The following RAPGEF5 variants were observed in gnomAD, a reference collection of about 807,000 sequenced individuals.
RAPGEF5 encodes Rap guanine nucleotide exchange factor 5.
A neutral mutation model predicts 125.2 loss-of-function variants in RAPGEF5; 65 were observed. The observed-to-expected ratio is 0.52, with a 90% CI of 0.43 to 0.64. RAPGEF5 has a LOEUF of 0.64. Ranked by LOEUF, RAPGEF5 falls within the 30% of genes least tolerant of loss-of-function variation. The probability of loss-of-function intolerance (pLI) is 0.00; values close to 1 mark genes in which losing one functional copy is unlikely to be tolerated. For synonymous variants in RAPGEF5, 391 were observed against 385.9 expected, an observed-to-expected ratio of 1.01 and a Z score of -0.16; for missense variants, 958 against 1,048.1, an observed-to-expected ratio of 0.91 and a Z score of 1.19.
chr7:22,204,399 A>T (rs1368811867), intron 9 of RAPGEF5, among the ~76,000 whole-genome samples: 2 of 152,164 alleles, frequency 1.3e-5, no homozygotes, highest in African/African-American at 4.8e-5. Context: ...CTCTTCCCAA[A>T]TTTCCTGTGC....
intron 14 of RAPGEF5, among the ~76,000 whole-genome samples, chr7:22,160,004 G>C (rs957311834): frequency 6.6e-6 from 1 of 152,138 alleles, no homozygotes; most frequent in African/African-American, 2.4e-5. Flanking sequence ...AGATACTTAG[G>C]AGGCTGAGGC....
At chr7:22,127,410 A>G (rs1215904639) in intron 24 of RAPGEF5, among the ~76,000 whole-genome samples, 2 of 152,192 alleles carry the variant, frequency 1.3e-5, no homozygotes, top group Non-Finnish European at 2.9e-5. Flanking sequence ...TACTTGCAAG[A>G]GTGAGCTGTC....
intron 7 of RAPGEF5, among the ~76,000 whole-genome samples, chr7:22,238,617 T>C (rs180833960): frequency 8.3e-4 from 126 of 152,208 alleles, no homozygotes; most frequent in Middle Eastern, 3.4e-3. Context: ...CAACAAGGAG[T>C]ATTTATAACT....
At chr7:22,257,681 CTCTAATATT>C (rs1233199375) in intron 7 of RAPGEF5, among the ~76,000 whole-genome samples, 4 of 152,170 alleles carry the variant, frequency 2.6e-5, no homozygotes, top group Non-Finnish European at 5.9e-5. Flanking sequence ...AGTCAGGTAT[CTCTAATATT>C]TCCATATTTG....
intron 7 of RAPGEF5, among the ~76,000 whole-genome samples, chr7:22,239,226 C>A (rs140338407): frequency 1.4e-3 from 215 of 152,236 alleles, no homozygotes; most frequent in African/African-American, 4.9e-3. Context: ...TCATTAAGGC[C>A]GTAATGACTT....
At chr7:22,268,570 G>C (rs1782341177) in intron 6 of RAPGEF5, among the ~76,000 whole-genome samples, 1 of 152,138 alleles carries the variant, frequency 6.6e-6, no homozygotes. Context: ...ATTTGGAGTT[G>C]GGACAAAGAG....
Position 22,160,628 on chromosome 7 carries a change from G to C in RAPGEF5, c.1429-13C>G. 1 of 1,523,476 alleles carries C rather than the reference G, an allele frequency of 6.6e-7. No individual in the cohort carries two copies. The highest frequency in any genetic ancestry group is 8.8e-7 in the Non-Finnish European group (1 of 1,139,666). The allele number at this position is 1,523,476 out of a possible 1,614,324, so 94.4% of individuals were successfully genotyped here. A position where few individuals can be genotyped will look rare whatever the true frequency, so the allele number is the denominator to read the frequency against. On this transcript the variant is annotated splice_polypyrimidine_tract_variant and intron_variant, in intron 13 of 25. Coordinates refer to ENST00000665637, the MANE Select transcript of RAPGEF5 (RefSeq NM_012294.5). ...TCCTATATATGGTCTGGAGAAAAAA[G>C]ACAAATGAGAGCTCAGTGGTTGAAT...
At chr7:22,149,430 C>A (rs534483572) in intron 18 of RAPGEF5, among the ~76,000 whole-genome samples, 9 of 152,212 alleles carry the variant, frequency 5.9e-5, no homozygotes, top group African/African-American at 1.9e-4. Flanking sequence ...CAGACACAAT[C>A]GCAATCTGCT....
chr7:22,149,555 T>C (rs1236987491), intron 18 of RAPGEF5, among the ~76,000 whole-genome samples: 1 of 152,220 alleles, frequency 6.6e-6, no homozygotes, highest in East Asian at 1.9e-4. Context: ...CACTTAGGCA[T>C]AGGTGTTCTT....
At position 22,336,192 on chromosome 7, in the gene RAPGEF5, C is replaced by A. The variant is rs577383984; in HGVS notation, c.232-18155G>T. Among the ~76,000 whole-genome samples, 13 of 152,260 alleles carry A rather than the reference C, an allele frequency of 8.5e-5. No homozygotes were observed. The East Asian group carries it at 2.5e-3, about 29-fold the overall frequency. ...ACTCTGCACACTCTTCAGAAAGAGACCAATCTTTCTAAAGAAATGCTTTTG... is the reference window on the plus strand; with the variant it reads ...ACTCTGCACACTCTTCAGAAAGAGAACAATCTTTCTAAAGAAATGCTTTTG... On this transcript the variant is annotated intron_variant, in intron 1 of 25. Transcript: ENST00000665637.
chr7:22,219,056 T>A (rs563780964), intron 9 of RAPGEF5, among the ~76,000 whole-genome samples: 73 of 152,134 alleles, frequency 4.8e-4, no homozygotes, highest in African/African-American at 1.7e-3. Flanking sequence ...AAACAAAATC[T>A]CAAGGAAAAA....
At chr7:22,251,890 G>A (rs1314862835) in intron 7 of RAPGEF5, among the ~76,000 whole-genome samples, 1 of 151,426 alleles carries the variant, frequency 6.6e-6, no homozygotes, top group African/African-American at 2.4e-5. Flanking sequence ...ATTATGAGAA[G>A]GAAATAAAAT....
chr7:22,231,324 G>A (rs981931775), intron 7 of RAPGEF5, among the ~76,000 whole-genome samples: 7 of 152,050 alleles, frequency 4.6e-5, no homozygotes, highest in Non-Finnish European at 1.0e-4. Flanking sequence ...AATAAAGGAA[G>A]CACAGTATTT....
chr7:22,214,417 T>C (rs972920229), intron 9 of RAPGEF5, among the ~76,000 whole-genome samples: 1 of 152,292 alleles, frequency 6.6e-6, no homozygotes, highest in African/African-American at 2.4e-5. Context: ...ATTTCTACAG[T>C]TGGAAGTCAG....
chr7:22,161,561 C>CAA (rs1489345241), intron 13 of RAPGEF5, among the ~76,000 whole-genome samples: 4 of 146,528 alleles, frequency 2.7e-5, no homozygotes, highest in Non-Finnish European at 4.6e-5. Context: ...CACACACACA[C>CAA]ACACACACAC....
intron 11 of RAPGEF5, among the ~76,000 whole-genome samples, chr7:22,172,861 T>C (rs1784390989): frequency 6.6e-6 from 1 of 152,196 alleles, no homozygotes; most frequent in African/African-American, 2.4e-5. Flanking sequence ...CAAAATGCAC[T>C]GCGATAATGA....
intron 6 of RAPGEF5, among the ~76,000 whole-genome samples, chr7:22,287,720 C>A (rs78741252): frequency 2.2e-4 from 34 of 152,122 alleles, no homozygotes; most frequent in Non-Finnish European, 4.3e-4. Flanking sequence ...CACACTATCA[C>A]CTAGATAACA....
At chr7:22,150,745 C>T (rs575924586) in intron 17 of RAPGEF5, among the ~76,000 whole-genome samples, 25 of 152,278 alleles carry the variant, frequency 1.6e-4, no homozygotes, top group African/African-American at 6.0e-4. Flanking sequence ...TTTCCTATAA[C>T]ATTTAGTCAT....
chr7:22,207,907 G>C (rs1182161794), intron 9 of RAPGEF5, among the ~76,000 whole-genome samples: 1 of 152,144 alleles, frequency 6.6e-6, no homozygotes, highest in African/African-American at 2.4e-5. Context: ...AAAAGATGAT[G>C]CTTAATTTAG....
Sources: gnomAD v4.1 joint callset for allele counts (sites outside exome capture counted in the v4.1 genomes callset) on GRCh38, gnomAD v4.1.1 for gene constraint, MANE v1.5 for transcripts, NCBI Gene and HGNC (gene_info 2026-07-23, HGNC 2026-07-21) for gene names.